Variants in PMFBP1 observed in about 807,000 individuals in gnomAD.
PMFBP1 encodes polyamine-modulated factor 1-binding protein 1.
Under a neutral mutation model 137.8 loss-of-function variants are expected in PMFBP1, and 131 were observed. The observed-to-expected ratio is 0.95, with a 90% CI of 0.82 to 1.10. The LOEUF is 1.10. Ranked by LOEUF, PMFBP1 falls within the 50% of genes least tolerant of loss-of-function variation. The pLI, the probability that PMFBP1 is intolerant of heterozygous loss-of-function variation, is 0.00. For synonymous variants in PMFBP1, 490 were observed against 450.4 expected (o/e 1.09, Z -1.11); for missense variants, 1,199 against 1,175.4 (o/e 1.02, Z -0.29).
At chr16:72,233,539 A>C in the PMFBP1 span, among the ~76,000 whole-genome samples, 11 of 152,144 alleles carry the variant, frequency 7.2e-5, no homozygotes, top group East Asian at 1.9e-4. Context: ...ATTGTCCTTC[A>C]TTATTTCTGT....
Position 72,132,980 on chromosome 16 carries a change from C to G in PMFBP1, c.1215G>C (p.Glu405Asp). ...CCAGCTCTTGCAGCATCTCATCTTT[C>G]TCTTGGAGGAACTGAAGACAGCAAA... ...LTLKKDKFLQ[E>D]KDEMLQELEK... is the part of the protein sequence containing the mutation. The change falls in exon 10 of 21, where the codon GAG (glutamate) becomes GAC (aspartate). Residue 405 changes from glutamate (E) to aspartate (D), a missense_variant. Glu to Asp is a conservative substitution (Grantham distance 45). Transcript: ENST00000237353. 1 of 1,614,078 alleles carries G rather than the reference C, an allele frequency of 6.2e-7. No homozygotes were observed. Among genetic ancestry groups the G allele is most frequent in the Non-Finnish European group, 8.5e-7 (1 of 1,180,024 alleles).
chr16:72,200,452 C>A, the PMFBP1 span, among the ~76,000 whole-genome samples: 1 of 152,214 alleles, frequency 6.6e-6, no homozygotes, highest in Admixed American at 6.5e-5. Flanking sequence ...GACATCTAAT[C>A]TGCAGTGAAG....
At chr16:72,172,860 GA>G (rs1370088612), upstream of PMFBP1, among the ~76,000 whole-genome samples, 1 of 152,154 alleles carries the variant, frequency 6.6e-6, no homozygotes, top group Admixed American at 6.5e-5. Flanking sequence ...CATGCTGTTG[GA>G]AAAATGGCGC....
chr16:72,162,454 C>G (rs151186639), intron 3 of PMFBP1, among the ~76,000 whole-genome samples: 9 of 152,156 alleles, frequency 5.9e-5, no homozygotes, highest in African/African-American at 2.2e-4. Context: ...TGCATAATTG[C>G]GGTTGTAAAC....
the PMFBP1 span, among the ~76,000 whole-genome samples, chr16:72,205,496 A>T: frequency 8.0e-4 from 122 of 152,352 alleles, no homozygotes; most frequent in African/African-American, 2.8e-3. Context: ...CCCTGTGAGC[A>T]TCCTGGATTG....
chr16:72,222,730 T>G, the PMFBP1 span, among the ~76,000 whole-genome samples: 1 of 152,236 alleles, frequency 6.6e-6, no homozygotes, highest in Non-Finnish European at 1.5e-5. Context: ...GGGATAGTAT[T>G]AGTACTTACC....
At chr16:72,225,709 TATAATAATAATAATA>T in the PMFBP1 span, among the ~76,000 whole-genome samples, 3 of 109,604 alleles carry the variant, frequency 2.7e-5, no homozygotes, top group Non-Finnish European at 6.1e-5. Flanking sequence ...TGAGACTGTT[TATAATAATAATAATA>T]ATAATAATAA....
intron 2 of PMFBP1, among the ~76,000 whole-genome samples, chr16:72,168,620 A>G (rs1173389815): frequency 6.6e-6 from 1 of 152,178 alleles, no homozygotes; most frequent in East Asian, 1.9e-4. Context: ...CTTGTCCTGG[A>G]TCTGAAGTCA....
the PMFBP1 span, among the ~76,000 whole-genome samples, chr16:72,193,232 A>G: frequency 6.6e-6 from 1 of 152,084 alleles, no homozygotes; most frequent in East Asian, 1.9e-4. Flanking sequence ...ACAATAAAAT[A>G]AAATAAAAAT....
the PMFBP1 span, among the ~76,000 whole-genome samples, chr16:72,202,775 T>TC: frequency 6.6e-6 from 1 of 152,198 alleles, no homozygotes; most frequent in Non-Finnish European, 1.5e-5. Flanking sequence ...ACAATCTCCT[T>TC]CCTTTGTTTC....
chr16:72,131,002 C>G (rs1187409581), intron 10 of PMFBP1, among the ~76,000 whole-genome samples: 1 of 152,156 alleles, frequency 6.6e-6, no homozygotes, highest in African/African-American at 2.4e-5. Context: ...AAATCCTGAC[C>G]CTTCTGGAGT....
At chr16:72,200,901 G>A in the PMFBP1 span, among the ~76,000 whole-genome samples, 1 of 152,236 alleles carries the variant, frequency 6.6e-6, no homozygotes, top group East Asian at 1.9e-4. Context: ...TGCCAGGGGA[G>A]AAAGGGAGTT....
intron 2 of PMFBP1, among the ~76,000 whole-genome samples, chr16:72,166,602 C>A (rs1481685270): frequency 6.6e-6 from 1 of 152,116 alleles, no homozygotes; most frequent in East Asian, 1.9e-4. Context: ...GAGGGGGAAG[C>A]AGGACAGGGA....
the PMFBP1 span, among the ~76,000 whole-genome samples, chr16:72,201,346 G>C: frequency 6.6e-6 from 1 of 152,186 alleles, no homozygotes; most frequent in Non-Finnish European, 1.5e-5. Flanking sequence ...GAGTTTGAGA[G>C]GTGCAAAAGT....
chr16:72,181,075 C>T (rs217179), upstream of PMFBP1, among the ~76,000 whole-genome samples: 16,149 of 151,894 alleles, frequency 0.11, 1,197 homozygotes, highest in East Asian at 0.32. Context: ...CCCGTCTCTA[C>T]TAAAAATACA....
At chr16:72,212,007 T>C in the PMFBP1 span, among the ~76,000 whole-genome samples, 1 of 152,010 alleles carries the variant, frequency 6.6e-6, no homozygotes, top group South Asian at 2.1e-4. Context: ...AAAAAATTTT[T>C]TTTTCTAAAA....
chr16:72,116,976 G>C (rs1428867053), downstream of PMFBP1, among the ~76,000 whole-genome samples: 1 of 150,270 alleles, frequency 6.7e-6, no homozygotes, highest in Non-Finnish European at 1.5e-5. Context: ...AGACTGTTTT[G>C]GCTGTTGGGA....
the PMFBP1 span, among the ~76,000 whole-genome samples, chr16:72,189,826 T>G: frequency 3.9e-5 from 6 of 152,142 alleles, no homozygotes; most frequent in Admixed American, 6.5e-5. Context: ...GGGTAGGGTT[T>G]TTAATGGATA....
At chr16:72,139,474 T>A in intron 6 of PMFBP1, 75 bp from the exon 7 acceptor site, 1 of 1,109,826 alleles carries the variant, frequency 9.0e-7, no homozygotes, top group Non-Finnish European at 1.4e-6. Flanking sequence ...TATTTCAGAG[T>A]GTTCCTTTCT....
Sources: gnomAD v4.1 joint callset for allele counts (sites outside exome capture counted in the v4.1 genomes callset) on GRCh38, gnomAD v4.1.1 for gene constraint, MANE v1.5 for transcripts, NCBI Gene and HGNC (gene_info 2026-07-23, HGNC 2026-07-21) for gene names.